The following RADIL variants were observed in gnomAD, a reference collection of about 807,000 sequenced individuals.
RADIL encodes ras-associating and dilute domain-containing protein.
In RADIL, 99 loss-of-function variants were observed where a neutral mutation model predicts 97.6. That is an observed-to-expected ratio of 1.01 (90% confidence interval 0.86 to 1.20). The LOEUF is 1.20. Among genes scored for constraint, RADIL ranks in the 50% most tolerant of loss-of-function variants. The pLI, the probability that RADIL is intolerant of heterozygous loss-of-function variation, is 0.00. For synonymous variants in RADIL, 803 were observed against 691.8 expected (o/e 1.16, Z -2.52); for missense variants, 1,765 against 1,498.9 (o/e 1.18, Z -2.93).
In RADIL at chr7:4,836,442, G is replaced by A. The variant is rs972625183; in HGVS notation, c.699C>T (p.Pro233=). ...GCATGGCGTCGGGGCCGGGCTCCTCGGGGCCCTGGGCGGCAGCGGGCAGGG... is the reference window on the plus strand; with the variant it reads ...GCATGGCGTCGGGGCCGGGCTCCTCAGGGCCCTGGGCGGCAGCGGGCAGGG... ...VNALPAAAQG[P]EEPGPDAMRY... The change falls in exon 3 of 15, where the codon CCC becomes CCT. Residue 233 remains proline, a synonymous_variant. Coordinates refer to ENST00000399583, the MANE Select transcript of RADIL (RefSeq NM_018059.5). 19 of 1,597,370 alleles carry A rather than the reference G, an allele frequency of 1.2e-5. No homozygotes were observed. In the East Asian group the frequency reaches 2.3e-4, roughly 19 times the overall value.
At chr7:4,876,186 A>G (rs940354665) in intron 2 of RADIL, among the ~76,000 whole-genome samples, 8 of 151,944 alleles carry the variant, frequency 5.3e-5, no homozygotes, top group African/African-American at 1.9e-4. Flanking sequence ...ATGGGGCCTC[A>G]CTATGTTACC....
rs1391402316 is a variant in RADIL at position 4,813,594 on chromosome 7, A to T, written c.2139+1684T>A. ...TGGCCCCTGCCTGGACAAAGCCTAGATTCTCAGCCTCACACCGTCACCTGC... is the reference window on the plus strand; with the variant it reads ...TGGCCCCTGCCTGGACAAAGCCTAGTTTCTCAGCCTCACACCGTCACCTGC... On this transcript the variant is annotated intron_variant, in intron 9 of 14. Coordinates refer to ENST00000399583, the MANE Select transcript of RADIL (RefSeq NM_018059.5). This position sits in a 1 kb window ranked among gnomAD's most constrained non-coding sequence, Gnocchi z 5.0. Among the ~76,000 whole-genome samples the T allele has an allele frequency of 6.6e-6, 1 of 152,160 alleles. No homozygotes were observed. Among genetic ancestry groups the T allele is most frequent in the Non-Finnish European group, 1.5e-5 (1 of 68,036 alleles).
At chr7:4,829,634 G>A (rs1423084490) in intron 5 of RADIL, among the ~76,000 whole-genome samples, 1 of 152,142 alleles carries the variant, frequency 6.6e-6, no homozygotes, top group Non-Finnish European at 1.5e-5. Flanking sequence ...ATTCCCACAT[G>A]TTGTGGGAGG....
rs747374539 is a variant in RADIL, at chr7:4,800,229, A to G, written c.2924T>C (p.Phe975Ser). 1.2e-6 allele frequency: 2 copies of G among 1,603,164 alleles called. No individual in the cohort carries two copies. The highest frequency in any genetic ancestry group is 1.7e-6 in the Non-Finnish European group (2 of 1,176,030). Residue 975 changes from phenylalanine to serine, a missense_variant, in exon 13 of 15, where the codon TTC becomes TCC. Phe to Ser is a radical substitution (Grantham distance 155). Transcript: ENST00000399583. The stretch of plus-strand genomic sequence containing the variant: ...GGGGCCTCGTTCCAGCTCCACCGTG[A>G]AGACGTAGCAGAAGTCCTCGGTGCT... ...SSSTEDFCYV[F>S]TVELERGPSG... is the part of the protein sequence containing the mutation.
chr7:4,808,164 C>T (rs889221311), intron 9 of RADIL, among the ~76,000 whole-genome samples: 11 of 141,996 alleles, frequency 7.7e-5, no homozygotes, highest in Non-Finnish European at 1.5e-4. Context: ...TCTCTCTCCC[C>T]TCTCTCCCTG....
At position 4,822,920 on chromosome 7, in the gene RADIL, TG is replaced by T. The variant is rs1348616114; in HGVS notation, c.1455-367del. 1.3e-5 allele frequency among the ~76,000 whole-genome samples: 2 copies of T among 152,048 alleles called. No homozygotes were observed. Among genetic ancestry groups the T allele is most frequent in the Admixed American group, 6.6e-5 (1 of 15,244 alleles). On this transcript the variant is annotated intron_variant, in intron 5 of 14. Coordinates refer to ENST00000399583, the MANE Select transcript of RADIL (RefSeq NM_018059.5). This position sits in a 1 kb window ranked among gnomAD's most constrained non-coding sequence, Gnocchi z 5.3. ...GTGTGTGTGTGCGTGTATGCGTGCA[TG>T]GGGGTGGGGGCTGGTCCATGGTTTT...
rs1037764362 is a variant in RADIL, at chr7:4,821,265, C to T, written c.1615+1129G>A. Among the ~76,000 whole-genome samples, 1 of 152,218 alleles carries T rather than the reference C, an allele frequency of 6.6e-6. No homozygotes were observed. Among genetic ancestry groups the T allele is most frequent in the Non-Finnish European group, 1.5e-5 (1 of 68,040 alleles). On this transcript the variant is annotated intron_variant, in intron 6 of 14. Transcript: ENST00000399583. This position sits in a 1 kb window ranked among gnomAD's most constrained non-coding sequence, Gnocchi z 5.2. The stretch of plus-strand genomic sequence containing the variant: ...ACTGTGCCCGCCTGACAGCCCACCC[C>T]ACAGATGTGAGGGCAGTGGGTGGAC...
chr7:4,871,752 G>A (rs909952072), intron 2 of RADIL, among the ~76,000 whole-genome samples: 1 of 152,156 alleles, frequency 6.6e-6, no homozygotes. Context: ...CCACAGAGGG[G>A]CCTCCTCTCC....
chr7:4,859,729 G>A (rs1164451690), intron 2 of RADIL: 3 of 597,662 alleles, frequency 5.0e-6, no homozygotes, highest in African/African-American at 1.9e-5. Flanking sequence ...GGAGAACAGG[G>A]ATACCGGAAA....
chr7:4,837,217 G>A lies in RADIL; in HGVS notation c.536-612C>T, dbSNP rs1017339592. Among the ~76,000 whole-genome samples, 6 of 152,132 alleles carry A rather than the reference G, an allele frequency of 3.9e-5. No homozygotes were observed. Among genetic ancestry groups the A allele is most frequent in the Non-Finnish European group, 7.4e-5 (5 of 68,016 alleles). On this transcript the variant is annotated intron_variant, in intron 2 of 14. Coordinates refer to ENST00000399583, the MANE Select transcript of RADIL (RefSeq NM_018059.5). The surrounding 1 kb of genome is among the most constrained non-coding windows in gnomAD (Gnocchi z 5.6). The stretch of plus-strand genomic sequence containing the variant: ...CCCTGCAGCAGCCCAGGGTCACACC[G>A]CGGCCTGCCCGACCAGCCAGCACCA...
At chr7:4,868,469 C>T (rs1287677386) in intron 2 of RADIL, among the ~76,000 whole-genome samples, 1 of 152,132 alleles carries the variant, frequency 6.6e-6, no homozygotes, top group African/African-American at 2.4e-5. Flanking sequence ...GGTGCAAAGC[C>T]GAAATCTTTG....
rs779213918 is a variant in RADIL at position 4,878,100 on chromosome 7, T to C, written c.40A>G (p.Lys14Glu). ...GTHFIMSPPT[K>E]SKLKRQSQLL... ...TGGCTCTGCCGCTTCAGTTTGCTCT[T>C]GGTGGGCGGGGACATGATGAAGTGC... is the stretch of plus-strand genomic sequence containing the variant. The change falls in exon 2 of 15, where the codon AAG becomes GAG. Residue 14 changes from lysine to glutamate, a missense_variant. Lys to Glu is a moderately conservative substitution (Grantham distance 56, BLOSUM62 1). Coordinates refer to ENST00000399583, the MANE Select transcript of RADIL (RefSeq NM_018059.5). The surrounding 1 kb of genome is among the most constrained non-coding windows in gnomAD (Gnocchi z 4.1). 6.9e-6 allele frequency: 11 copies of C among 1,586,222 alleles called. No homozygotes were observed. Among genetic ancestry groups the C allele is most frequent in the Non-Finnish European group, 8.6e-6 (10 of 1,167,486 alleles).
rs1784289231 is a variant in RADIL, at chr7:4,872,960, CAG to C, written c.535+4643_535+4644del. The stretch of plus-strand genomic sequence containing the variant: ...ATGTGACTCTGTTTTTCTTTTGAGT[CAG>C]AGTCTCGCTCTGTCACCCAGGCTGG... On this transcript the variant is annotated intron_variant, in intron 2 of 14. Transcript: ENST00000399583. This position sits in a 1 kb window ranked among gnomAD's most constrained non-coding sequence, Gnocchi z 5.8. 6.6e-6 allele frequency among the ~76,000 whole-genome samples: 1 copy of C among 152,150 alleles called. No individual in the cohort carries two copies. The highest frequency in any genetic ancestry group is 2.1e-4 in the South Asian group (1 of 4,834).
At chr7:4,828,205 C>G (rs1415440069) in intron 5 of RADIL, among the ~76,000 whole-genome samples, 2 of 152,228 alleles carry the variant, frequency 1.3e-5, no homozygotes, top group Non-Finnish European at 2.9e-5. Flanking sequence ...CGCCTGTAAT[C>G]CCAACACTTT....
Position 4,835,384 on chromosome 7 carries a change from G to C in RADIL, c.784-145C>G. On this transcript the variant is annotated intron_variant, in intron 3 of 14. Coordinates refer to ENST00000399583, the MANE Select transcript of RADIL (RefSeq NM_018059.5). This position sits in a 1 kb window ranked among gnomAD's most constrained non-coding sequence, Gnocchi z 5.8. ...CATGTCCCTGGCCACCCCCACACCA[G>C]AACCCCGACGGCTCTCAGGAACCCG... 9.3e-7 allele frequency: 1 copy of C among 1,077,146 alleles called. No individual in the cohort carries two copies. Among genetic ancestry groups the C allele is most frequent in the East Asian group, 2.6e-5 (1 of 38,554 alleles). The allele number at this position is 1,077,146 out of a possible 1,614,324, so 66.7% of individuals were successfully genotyped here. A position where few individuals can be genotyped will look rare whatever the true frequency, so the allele number is the denominator to read the frequency against.
At chr7:4,841,608 G>A (rs559832676) in intron 2 of RADIL, among the ~76,000 whole-genome samples, 5 of 152,326 alleles carry the variant, frequency 3.3e-5, no homozygotes, top group African/African-American at 1.2e-4. Flanking sequence ...TGGAGAGGCA[G>A]AAAAGCAACC....
In RADIL at chr7:4,877,686, C is replaced by T. The variant is rs754423994; in HGVS notation, c.454G>A (p.Gly152Ser). The T allele has an allele frequency of 7.4e-6, 12 of 1,614,022 alleles. No individual in the cohort carries two copies. The African/African-American group carries it at 1.2e-4, about 16-fold the overall frequency. Residue 152 changes from glycine (G) to serine (S), a missense_variant, in exon 2 of 15, where the codon GGT (glycine) becomes AGT (serine). Gly to Ser is a moderately conservative substitution (Grantham distance 56, BLOSUM62 0). Coordinates refer to ENST00000399583, the MANE Select transcript of RADIL (RefSeq NM_018059.5). ...CTCAGCTCAAACCTCCGGGATAAACCTTCTCGGGGTTTCCATAATTCCTGG... is the reference window on the plus strand; with the variant it reads ...CTCAGCTCAAACCTCCGGGATAAACTTTCTCGGGGTTTCCATAATTCCTGG... ...LIQELWKPRE[G>S]LSRRFELRKR... is the part of the protein sequence containing the mutation.
chr7:4,815,269 C>T lies in RADIL; in HGVS notation c.2139+9G>A, dbSNP rs1316352598. 2.6e-6 allele frequency: 4 copies of T among 1,539,724 alleles called. No homozygotes were observed. Among genetic ancestry groups the T allele is most frequent in the Admixed American group, 2.0e-5 (1 of 51,032 alleles). ...CCCCACACTCGCCGCCTCCCATGCG[C>T]ACCCCTACCTGGATGAGCTGGGCCC... On this transcript the variant is annotated intron_variant, in intron 9 of 14. Transcript: ENST00000399583. The surrounding 1 kb of genome is among the most constrained non-coding windows in gnomAD (Gnocchi z 8.0).
Position 4,840,837 on chromosome 7 carries a change from G to A in RADIL, c.536-4232C>T, listed in dbSNP as rs972251758. Among the ~76,000 whole-genome samples, 31 of 152,118 alleles carry A rather than the reference G, an allele frequency of 2.0e-4. No individual in the cohort carries two copies. The highest frequency in any genetic ancestry group is 7.0e-4 in the African/African-American group (29 of 41,424). ...CAAAACTTAGCTGGGCGTGGAGGTG[G>A]GCGCCTGTAGTCCCGGCTACTCGAG... On this transcript the variant is annotated intron_variant, in intron 2 of 14. Transcript: ENST00000399583. The surrounding 1 kb of genome is among the most constrained non-coding windows in gnomAD (Gnocchi z 5.6).
Sources: allele counts gnomAD v4.1 joint callset (sites outside exome capture counted in the v4.1 genomes callset), GRCh38; gene constraint gnomAD v4.1.1; non-coding constraint Gnocchi (gnomAD v3.1); transcripts MANE v1.5; gene names NCBI Gene and HGNC (gene_info 2026-07-23, HGNC 2026-07-21).